Variants in ZNF326 observed in about 807,000 individuals in gnomAD.
ZNF326 encodes zinc finger protein 326.
A neutral mutation model predicts 63.1 loss-of-function variants in ZNF326; 30 were observed. The ratio of observed to expected loss-of-function variants is 0.48; its 90% CI spans 0.36 to 0.64. The LOEUF (loss-of-function observed/expected upper bound fraction) is 0.64, where lower values mean the gene tolerates loss of function less well. Ranked by LOEUF, ZNF326 falls within the 30% of genes least tolerant of loss-of-function variation. The probability of loss-of-function intolerance (pLI) is 0.00; values close to 1 mark genes in which losing one functional copy is unlikely to be tolerated. For synonymous variants in ZNF326, 194 were observed against 228.2 expected, an observed-to-expected ratio of 0.85 and a Z score of 1.35; for missense variants, 609 against 720.3, an observed-to-expected ratio of 0.85 and a Z score of 1.77.
At chr1:90,010,312 G>C in intron 6 of ZNF326, 26 bp downstream of exon 6, 1 of 1,593,452 alleles carries the variant, frequency 6.3e-7, no homozygotes, top group South Asian at 1.1e-5. Context: ...TAATTGCTAT[G>C]ATTCAGGATA....
intron 11 of ZNF326, among the ~76,000 whole-genome samples, chr1:90,024,984 T>TC (rs886182166): frequency 6.6e-6 from 1 of 150,874 alleles, no homozygotes; most frequent in Non-Finnish European, 1.5e-5. Context: ...TTTCCTGTTT[T>TC]TTTTTTTTTT....
At chr1:90,016,463 C>T (rs532767097) in intron 7 of ZNF326, among the ~76,000 whole-genome samples, 2 of 152,074 alleles carry the variant, frequency 1.3e-5, no homozygotes, top group Non-Finnish European at 2.9e-5. Flanking sequence ...CACTTGTAAT[C>T]CCAGCACTTT....
At chr1:90,005,730 A>T in intron 4 of ZNF326, 1 of 984,518 alleles carries the variant, frequency 1.0e-6, no homozygotes, top group South Asian at 4.7e-5. Flanking sequence ...TATTCCTTTA[A>T]TTCTAATTTT....
chr1:90,007,083 A>T lies in ZNF326; in HGVS notation c.210-262A>T, dbSNP rs188072467. 6.6e-6 allele frequency among the ~76,000 whole-genome samples: 1 copy of T among 152,246 alleles called. No individual in the cohort carries two copies. The highest frequency in any genetic ancestry group is 1.5e-5 in the Non-Finnish European group (1 of 68,038). On this transcript the variant is annotated intron_variant, in intron 4 of 11. Transcript: ENST00000340281. This position sits in a 1 kb window ranked among gnomAD's most constrained non-coding sequence, Gnocchi z 4.9. ...ACAAATCTTTTCTTCTTCATAAAATAGAAAAGCTGCTAAGAAGCAGATTTT... is the reference window on the plus strand; with the variant it reads ...ACAAATCTTTTCTTCTTCATAAAATTGAAAAGCTGCTAAGAAGCAGATTTT...
At chr1:90,012,244 A>T (rs1412921959) in intron 6 of ZNF326, among the ~76,000 whole-genome samples, 1 of 152,240 alleles carries the variant, frequency 6.6e-6, no homozygotes, top group Non-Finnish European at 1.5e-5. Context: ...AATGTGGGTT[A>T]TTCATACAAT....
chr1:90,007,551 C>A lies in ZNF326; in HGVS notation c.416C>A (p.Ser139Ter). Reference sequence around the variant, plus strand: ...AGCTGGGAAGCACCTTACTCCCGTTCAAAATTGAGGCCTGGGTTTATGGAG... The same window carrying A: ...AGCTGGGAAGCACCTTACTCCCGTTAAAAATTGAGGCCTGGGTTTATGGAG... ...GSSWEAPYSR[S>*]KLRPGFMEDR... is the part of the protein sequence containing the mutation. Residue 139 changes from serine to a stop codon, truncating the protein, a stop_gained, in exon 5 of 12, where the codon TCA (serine) becomes TAA (stop). Coordinates refer to ENST00000340281, the MANE Select transcript of ZNF326 (RefSeq NM_182976.4). LOFTEE classifies it high-confidence loss of function. The surrounding 1 kb of genome is among the most constrained non-coding windows in gnomAD (Gnocchi z 4.9). 6.2e-7 allele frequency: 1 copy of A among 1,613,768 alleles called. No homozygotes were observed. The highest frequency in any genetic ancestry group is 8.5e-7 in the Non-Finnish European group (1 of 1,179,908).
chr1:90,019,669 C>T (rs1245256745), intron 9 of ZNF326, among the ~76,000 whole-genome samples: 1 of 152,070 alleles, frequency 6.6e-6, no homozygotes, highest in Non-Finnish European at 1.5e-5. Context: ...AATTCACTTA[C>T]AGAGCTTAAG....
chr1:90,034,515 A>G lies in ZNF326; in HGVS notation c.*6814A>G, dbSNP rs1372620178. 1 of 152,188 alleles carries G rather than the reference A, an allele frequency of 6.6e-6. No individual in the cohort carries two copies. Among genetic ancestry groups the G allele is most frequent in the Non-Finnish European group, 1.5e-5 (1 of 68,002 alleles). The allele number at this position is 152,188 out of a possible 1,614,324, so 9.4% of individuals were successfully genotyped here. A position where few individuals can be genotyped will look rare whatever the true frequency, so the allele number is the denominator to read the frequency against. On this transcript the variant is annotated 3_prime_UTR_variant, in exon 12 of 12. Coordinates refer to ENST00000340281, the MANE Select transcript of ZNF326 (RefSeq NM_182976.4). ...TTTCAAATGCCATGAAAAAATGACC[A>G]TGAAGCAAAAACCACAATATTTTTT... is the stretch of plus-strand genomic sequence containing the variant.
chr1:90,025,658 GCTGT>G (rs1443099707), intron 11 of ZNF326, among the ~76,000 whole-genome samples: 4 of 152,128 alleles, frequency 2.6e-5, no homozygotes, highest in Non-Finnish European at 4.4e-5. Flanking sequence ...GACAACTGCT[GCTGT>G]CTAACTGTCA....
At position 90,005,141 on chromosome 1, in the gene ZNF326, C is replaced by T; in HGVS notation, c.106C>T (p.Arg36Cys). Residue 36 changes from arginine to cysteine, a missense_variant, in exon 4 of 12, where the codon CGT (arginine) becomes TGT (cysteine). Around this residue, in one of 3 missense-constraint regions of ZNF326, gnomAD observed 97 missense variants for 88.7 expected, o/e 1.09. Coordinates refer to ENST00000340281, the MANE Select transcript of ZNF326 (RefSeq NM_182976.4). The part of the protein sequence containing the change: ...YGPGSYGGMD[R>C]DYGHGSYGGQ... ...TTTTTAAACTCTTATAGGGATGGAT[C>T]GTGACTATGGCCATGGATCCTATGG... The T allele has an allele frequency of 3.7e-6, 6 of 1,613,868 alleles. No homozygotes were observed. The highest frequency in any genetic ancestry group is 2.2e-5 in the East Asian group (1 of 44,852).
At chr1:90,014,488 A>C (rs1334704373) in intron 7 of ZNF326, among the ~76,000 whole-genome samples, 5 of 152,244 alleles carry the variant, frequency 3.3e-5, no homozygotes, top group Admixed American at 6.5e-5. Context: ...TTTAAATAAT[A>C]GTATGCCATT....
In ZNF326 at chr1:90,018,834, A is replaced by G. The variant is rs1649623878; in HGVS notation, c.1174+50A>G. On this transcript the variant is annotated intron_variant, in intron 9 of 11. Transcript: ENST00000340281. Reference sequence around the variant, plus strand: ...TAAAATTCTACATGTATTTTTATATATCATAACCTGTTTAAATGTAAATGA... The same window carrying G: ...TAAAATTCTACATGTATTTTTATATGTCATAACCTGTTTAAATGTAAATGA... 3 of 1,108,140 alleles carry G rather than the reference A, an allele frequency of 2.7e-6. No individual in the cohort carries two copies. In the East Asian group the frequency reaches 8.2e-5, roughly 30 times the overall value. The allele number at this position is 1,108,140 out of a possible 1,614,324, so 68.6% of individuals were successfully genotyped here.
rs1343409135 is a variant in ZNF326, at chr1:90,031,487, T to TA, written c.*3787dup. The TA allele has an allele frequency of 6.6e-6, 1 of 152,192 alleles. No homozygotes were observed. Among genetic ancestry groups the TA allele is most frequent in the African/African-American group, 2.4e-5 (1 of 41,434 alleles). 9.4% of individuals were successfully genotyped at this position (152,192 alleles called of 1,614,324 possible). ...AGCAAACTTTTTTATTGTGGTAAAGTATACATAGCATAAAATTACCATTCT... is the reference window on the plus strand; with the variant it reads ...AGCAAACTTTTTTATTGTGGTAAAGTAATACATAGCATAAAATTACCATTCT... On this transcript the variant is annotated 3_prime_UTR_variant, in exon 12 of 12. Transcript: ENST00000340281.
At chr1:89,999,340 G>T (rs1165137200) in intron 2 of ZNF326, among the ~76,000 whole-genome samples, 1 of 151,772 alleles carries the variant, frequency 6.6e-6, no homozygotes, top group Admixed American at 6.6e-5. Flanking sequence ...ACAAGGGAGA[G>T]GGGGAGGGGA....
At position 90,007,300 on chromosome 1, in the gene ZNF326, A is replaced by G. The variant is rs368802261; in HGVS notation, c.210-45A>G. ...TTTGTCTTTTGAATTGTCTAACATT[A>G]GTAAGCTTACTTTTGTTTTTTCCCT... On this transcript the variant is annotated intron_variant, in intron 4 of 11. Transcript: ENST00000340281. The surrounding 1 kb of genome is among the most constrained non-coding windows in gnomAD (Gnocchi z 4.9). 16 of 1,520,976 alleles carry G rather than the reference A, an allele frequency of 1.1e-5. No individual in the cohort carries two copies. In the African/African-American group the frequency reaches 1.7e-4, roughly 16 times the overall value. The allele number at this position is 1,520,976 out of a possible 1,614,324, so 94.2% of individuals were successfully genotyped here.
chr1:90,032,754 C>CT lies in ZNF326; in HGVS notation c.*5054dup, dbSNP rs1650328996. 6.6e-6 allele frequency: 1 copy of CT among 152,198 alleles called. No individual in the cohort carries two copies. The highest frequency in any genetic ancestry group is 2.1e-4 in the South Asian group (1 of 4,834). 9.4% of individuals were successfully genotyped at this position (152,198 alleles called of 1,614,324 possible). A position where few individuals can be genotyped will look rare whatever the true frequency, so the allele number is the denominator to read the frequency against. ...AAGGACTAGATAGTTATTCTGGTCT[C>CT]TGACTCAGAGCTGCTGGTCCACAGA... On this transcript the variant is annotated 3_prime_UTR_variant, in exon 12 of 12. Transcript: ENST00000340281.
In ZNF326 at chr1:90,031,371, T is replaced by A. The variant is rs544774076; in HGVS notation, c.*3670T>A. The A allele has an allele frequency of 3.3e-5, 5 of 152,350 alleles. No individual in the cohort carries two copies. In the South Asian group the frequency reaches 1.0e-3, roughly 32 times the overall value. 9.4% of individuals were successfully genotyped at this position (152,350 alleles called of 1,614,324 possible). ...AGAACTCTGTTTTTGTTGGCAAGAT[T>A]GTTCTTATTGTAGAAGTGGATATTA... is the stretch of plus-strand genomic sequence containing the variant. On this transcript the variant is annotated 3_prime_UTR_variant, in exon 12 of 12. Coordinates refer to ENST00000340281, the MANE Select transcript of ZNF326 (RefSeq NM_182976.4).
chr1:90,017,197 A>C, intron 7 of ZNF326, 120 bp from the exon 8 acceptor site: 1 of 756,632 alleles, frequency 1.3e-6, no homozygotes, highest in Non-Finnish European at 2.0e-6. Context: ...TAATTCAGTC[A>C]TAAAGAGGAA....
chr1:90,006,655 G>A (rs1025613237), intron 4 of ZNF326, among the ~76,000 whole-genome samples: 1 of 152,076 alleles, frequency 6.6e-6, no homozygotes, highest in Non-Finnish European at 1.5e-5. Flanking sequence ...TATGCAGAGG[G>A]TATATGTTGG....
Sources: allele counts gnomAD v4.1 joint callset (sites outside exome capture counted in the v4.1 genomes callset), GRCh38; gene constraint gnomAD v4.1.1; regional missense constraint gnomAD v4.1.1; non-coding constraint Gnocchi (gnomAD v3.1); transcripts MANE v1.5; gene names NCBI Gene and HGNC (gene_info 2026-07-23, HGNC 2026-07-21).